NPIPB11: variants seen among roughly 807,000 people sequenced by gnomAD.
NPIPB11 encodes the protein nuclear pore complex interacting protein family member B11, also known as nuclear pore complex-interacting protein family member B11.
A neutral mutation model predicts 32.8 loss-of-function variants in NPIPB11; 17 were observed. The ratio of observed to expected loss-of-function variants is 0.52; its 90% CI spans 0.35 to 0.78. The LOEUF is 0.78. Among genes scored for constraint, NPIPB11 ranks in the 30% least tolerant of loss-of-function variants. The pLI, the probability that NPIPB11 is intolerant of heterozygous loss-of-function variation, is 0.01. For missense variants in NPIPB11, 537 were observed against 1,000.4 expected (o/e 0.54, Z 6.25); for synonymous variants, 209 against 398.4 (o/e 0.52, Z 5.66).
exon 8 of NPIPB11, chr16:29,381,835 G>A: frequency 1.2e-6 from 1 of 807,336 alleles, no homozygotes; most frequent in South Asian, 1.5e-5. Flanking sequence ...GGTGGAAGGG[G>A]AGTGAGCTGA....
chr16:29,402,724 C>CTCTGTGTGTG (rs1449821025), intron 2 of NPIPB11, among the ~76,000 whole-genome samples: 270 of 119,672 alleles, frequency 2.3e-3, no homozygotes, highest in East Asian at 6.3e-3. Flanking sequence ...CTCTCTCTCT[C>CTCTGTGTGTG]TGTGTGTGTG....
intron 3 of NPIPB11, 82 bp from the exon 4 acceptor site, chr16:29,390,430 G>A (rs1963689076): frequency 1.9e-5 from 30 of 1,592,192 alleles, no homozygotes; most frequent in Middle Eastern, 2.3e-4. Context: ...GCTGAGGCAG[G>A]TGGATCACGG....
chr16:29,401,384 G>C (rs954567366), intron 2 of NPIPB11, among the ~76,000 whole-genome samples: 4 of 152,224 alleles, frequency 2.6e-5, no homozygotes, highest in South Asian at 2.1e-4. Flanking sequence ...AGTTGATTCT[G>C]AGTTCACTGC....
chr16:29,389,668 G>GAAAAAAAAA (rs1160526743), intron 5 of NPIPB11, among the ~76,000 whole-genome samples: 8 of 17,288 alleles, frequency 4.6e-4, no homozygotes, highest in African/African-American at 1.1e-3. Flanking sequence ...TCCATCTCAG[G>GAAAAAAAAA]AAAAAAAAAA....
exon 8 of NPIPB11, chr16:29,384,040 C>T: frequency 8.5e-7 from 1 of 1,175,348 alleles, no homozygotes; most frequent in Admixed American, 2.3e-5. Flanking sequence ...AGATTATCAT[C>T]CGCTGAGGGT....
At chr16:29,391,513 C>G (rs2142126287) in intron 3 of NPIPB11, among the ~76,000 whole-genome samples, 1 of 146,580 alleles carries the variant, frequency 6.8e-6, no homozygotes, top group East Asian at 2.0e-4. Flanking sequence ...TTCACTTTCC[C>G]TTCCCTCACA....
intron 2 of NPIPB11, among the ~76,000 whole-genome samples, chr16:29,400,968 C>T (rs1963975360): frequency 6.6e-6 from 1 of 152,108 alleles, no homozygotes; most frequent in Non-Finnish European, 1.5e-5. Flanking sequence ...AGGGTACAGG[C>T]TCGCACCTGG....
intron 5 of NPIPB11, among the ~76,000 whole-genome samples, chr16:29,389,731 T>C (rs1963665309): frequency 7.4e-6 from 1 of 135,926 alleles, no homozygotes; most frequent in Non-Finnish European, 1.6e-5. Flanking sequence ...TACTAGCAAC[T>C]CCTCTTCCCC....
intron 2 of NPIPB11, among the ~76,000 whole-genome samples, chr16:29,394,676 C>T (rs1338197095): frequency 1.3e-5 from 2 of 152,140 alleles, no homozygotes; most frequent in African/African-American, 4.8e-5. Context: ...AGGCGATCTG[C>T]CTGCCTCAGC....
chr16:29,401,252 C>A (rs910583352), intron 2 of NPIPB11, among the ~76,000 whole-genome samples: 1 of 152,066 alleles, frequency 6.6e-6, no homozygotes, highest in Admixed American at 6.6e-5. Context: ...CTTAAAGGAA[C>A]TAAAATGTTG....
At chr16:29,394,643 C>G (rs1490771936) in intron 2 of NPIPB11, among the ~76,000 whole-genome samples, 1 of 151,930 alleles carries the variant, frequency 6.6e-6, no homozygotes, top group East Asian at 1.9e-4. Flanking sequence ...CCATGTTGGC[C>G]AGTCTGGCCT....
chr16:29,390,907 G>A lies in NPIPB11; in HGVS notation c.250-559C>T, dbSNP rs192546602. Among the ~76,000 whole-genome samples the A allele has an allele frequency of 5.1e-3, 742 of 146,460 alleles. 9 individuals are homozygous for A. Among genetic ancestry groups the A allele is most frequent in the African/African-American group, 0.018 (715 of 39,096 alleles). The stretch of plus-strand genomic sequence containing the variant: ...GAACCCAGCAGGAAAAGGTTGTGGT[G>A]AGCTGAGATTGTGCCATTGCACTCC... On this transcript the variant is annotated intron_variant, in intron 3 of 7. Coordinates refer to ENST00000524087, the Ensembl canonical transcript of NPIPB11.
Position 29,400,756 on chromosome 16 carries a change from G to A in NPIPB11, c.120+2927C>T, listed in dbSNP as rs1049000115. On this transcript the variant is annotated intron_variant, in intron 2 of 7. Transcript: ENST00000524087. ...CCAGGGGGCAGGTCCATCTTCAGTGGCATTGGGCCTAGGCTGGGATGCTGA... is the reference window on the plus strand; with the variant it reads ...CCAGGGGGCAGGTCCATCTTCAGTGACATTGGGCCTAGGCTGGGATGCTGA... Among the ~76,000 whole-genome samples, 8 of 152,212 alleles carry A rather than the reference G, an allele frequency of 5.3e-5. No individual in the cohort carries two copies. In the East Asian group the frequency reaches 1.5e-3, roughly 29 times the overall value.
chr16:29,399,211 G>T (rs1963930781), intron 2 of NPIPB11, among the ~76,000 whole-genome samples: 1 of 152,134 alleles, frequency 6.6e-6, no homozygotes, highest in Non-Finnish European at 1.5e-5. Flanking sequence ...CTTCCCACAG[G>T]GCTTCTGCCC....
At chr16:29,397,264 C>T (rs1358394764) in intron 2 of NPIPB11, among the ~76,000 whole-genome samples, 2 of 150,246 alleles carry the variant, frequency 1.3e-5, no homozygotes, top group East Asian at 2.0e-4. Context: ...AAGAGTGCAG[C>T]GGGGCCATCT....
exon 3 of NPIPB11, chr16:29,394,026 T>G: frequency 5.0e-6 from 8 of 1,599,468 alleles, no homozygotes; most frequent in Non-Finnish European, 6.8e-6. Flanking sequence ...ACCAAGGACT[T>G]CCACCAAAGT....
chr16:29,397,043 G>A (rs1024180945), intron 2 of NPIPB11, among the ~76,000 whole-genome samples: 8 of 151,190 alleles, frequency 5.3e-5, no homozygotes, highest in South Asian at 4.3e-4. Context: ...AATTAGCCAG[G>A]CGTTGTAATC....
chr16:29,402,461 T>C (rs1596685008), intron 2 of NPIPB11, among the ~76,000 whole-genome samples: 1 of 107,654 alleles, frequency 9.3e-6, no homozygotes, highest in Admixed American at 9.6e-5. Flanking sequence ...TCCCAGCACT[T>C]TGGGAGGCCA....
intron 3 of NPIPB11, among the ~76,000 whole-genome samples, chr16:29,390,552 C>A (rs1963692620): frequency 6.6e-6 from 1 of 151,314 alleles, no homozygotes; most frequent in Non-Finnish European, 1.5e-5. Flanking sequence ...ACTCGGGAGG[C>A]TGAGGCAGAG....
Sources: gnomAD v4.1 joint callset for allele counts (sites outside exome capture counted in the v4.1 genomes callset) on GRCh38, gnomAD v4.1.1 for gene constraint, MANE v1.5 for transcripts, NCBI Gene and HGNC (gene_info 2026-07-23, HGNC 2026-07-21) for gene names.